ZNF560: variants seen among roughly 807,000 people sequenced by gnomAD.
The protein encoded by ZNF560 is zinc finger protein 560.
In ZNF560, 54 loss-of-function variants were observed where a neutral mutation model predicts 81.8. The observed-to-expected ratio is 0.66, with a 90% confidence interval of 0.53 to 0.83. ZNF560 has a LOEUF of 0.83. Among genes scored for constraint, ZNF560 ranks in the 40% least tolerant of loss-of-function variants. The pLI, the probability that ZNF560 is intolerant of heterozygous loss-of-function variation, is 0.00. For synonymous variants in ZNF560, 321 were observed against 317.9 expected (o/e 1.01, Z -0.10); for missense variants, 940 against 932.4 (o/e 1.01, Z -0.11).
intron 5 of ZNF560, 25 bp from the exon 6 acceptor site, chr19:9,471,403 T>A: frequency 9.1e-7 from 1 of 1,101,746 alleles, no homozygotes; most frequent in Admixed American, 3.5e-5. Context: ...TAAACTGAGG[T>A]TTTTTTTTTT....
intron 2 of ZNF560, among the ~76,000 whole-genome samples, chr19:9,479,216 A>G (rs1426963866): frequency 6.6e-6 from 1 of 152,040 alleles, no homozygotes; most frequent in African/African-American, 2.4e-5. Flanking sequence ...TATTAACAAA[A>G]TGGCAGTAGT....
intron 2 of ZNF560, among the ~76,000 whole-genome samples, chr19:9,488,633 T>A (rs1599676355): frequency 8.1e-6 from 1 of 122,874 alleles, no homozygotes. Context: ...AAATTCCAAC[T>A]CTGATAATAT....
chr19:9,471,142 C>A (rs879888604), intron 6 of ZNF560, among the ~76,000 whole-genome samples, 154 bp downstream of exon 6: 1 of 152,130 alleles, frequency 6.6e-6, no homozygotes, highest in Non-Finnish European at 1.5e-5. Flanking sequence ...TAGATCTCCC[C>A]AAATTCATCA....
chr19:9,486,402 G>A (rs2073385193), intron 2 of ZNF560, among the ~76,000 whole-genome samples: 1 of 152,150 alleles, frequency 6.6e-6, no homozygotes, highest in Non-Finnish European at 1.5e-5. Flanking sequence ...CCTCTTCAAA[G>A]TTTCCCTTCT....
At chr19:9,489,825 C>G (rs1350319606) in intron 2 of ZNF560, among the ~76,000 whole-genome samples, 1 of 152,156 alleles carries the variant, frequency 6.6e-6, no homozygotes, top group Non-Finnish European at 1.5e-5. Flanking sequence ...CTCCTGACCT[C>G]ATGATCCGCC....
At chr19:9,504,594 G>A in the ZNF560 span, among the ~76,000 whole-genome samples, 14 of 152,198 alleles carry the variant, frequency 9.2e-5, no homozygotes, top group East Asian at 7.7e-4. Context: ...TTGGCTTACC[G>A]TATTTTTCAA....
chr19:9,464,561 AG>A (rs1339588723), downstream of ZNF560, among the ~76,000 whole-genome samples: 1 of 152,218 alleles, frequency 6.6e-6, no homozygotes, highest in Non-Finnish European at 1.5e-5. Flanking sequence ...GTTTGAAAAG[AG>A]GAACAAGAGT....
At chr19:9,465,655 A>C (rs1414015652), downstream of ZNF560, among the ~76,000 whole-genome samples, 3 of 152,184 alleles carry the variant, frequency 2.0e-5, no homozygotes, top group African/African-American at 7.2e-5. Flanking sequence ...GTGACTATTA[A>C]GGCATATGGA....
chr19:9,481,865 G>A (rs1308002068), intron 2 of ZNF560, among the ~76,000 whole-genome samples: 3 of 152,202 alleles, frequency 2.0e-5, no homozygotes, highest in African/African-American at 7.2e-5. Context: ...AGACAGTGTG[G>A]CAATTCCTCA....
chr19:9,453,990 G>T, the ZNF560 span, among the ~76,000 whole-genome samples: 2 of 152,200 alleles, frequency 1.3e-5, no homozygotes, highest in South Asian at 2.1e-4. Context: ...TGACATGCTC[G>T]TGATGGCTAT....
At chr19:9,465,645 G>A (rs80251576), downstream of ZNF560, among the ~76,000 whole-genome samples, 1 of 152,182 alleles carries the variant, frequency 6.6e-6, no homozygotes, top group Non-Finnish European at 1.5e-5. Context: ...GAATTACAAT[G>A]TGACTATTAA....
chr19:9,495,553 CA>C (rs2073544529), intron 2 of ZNF560, among the ~76,000 whole-genome samples: 1 of 151,688 alleles, frequency 6.6e-6, no homozygotes, highest in Non-Finnish European at 1.5e-5. Flanking sequence ...AAAAAAATAC[CA>C]AAATTAGCCA....
At chr19:9,452,363 A>C in the ZNF560 span, among the ~76,000 whole-genome samples, 2 of 152,160 alleles carry the variant, frequency 1.3e-5, no homozygotes, top group East Asian at 3.8e-4. Context: ...AGAACTTATA[A>C]CAAAGCTACC....
At chr19:9,492,725 T>G (rs1264629086) in intron 2 of ZNF560, among the ~76,000 whole-genome samples, 1 of 152,224 alleles carries the variant, frequency 6.6e-6, no homozygotes, top group African/African-American at 2.4e-5. Context: ...CAAGACACAG[T>G]GTATGCTCTG....
chr19:9,469,889 G>A (rs2073095116), intron 7 of ZNF560, 179 bp from the exon 8 acceptor site: 1 of 568,100 alleles, frequency 1.8e-6, no homozygotes, highest in African/African-American at 1.9e-5. Flanking sequence ...TCACATTCAA[G>A]CTTAACTCAT....
chr19:9,495,875 TAAAACAAACAAACAGAA>T (rs1300491175), intron 2 of ZNF560, among the ~76,000 whole-genome samples: 1 of 152,118 alleles, frequency 6.6e-6, no homozygotes, highest in East Asian at 1.9e-4. Context: ...GTAGCAACAG[TAAAACAAACAAACAGAA>T]AAAACAAACA....
intron 2 of ZNF560, among the ~76,000 whole-genome samples, chr19:9,475,978 T>C (rs2073195650): frequency 6.6e-6 from 1 of 152,182 alleles, no homozygotes; most frequent in Non-Finnish European, 1.5e-5. Context: ...CAAATGAGAT[T>C]ATGCAGCACC....
chr19:9,478,871 C>G (rs73501853), intron 2 of ZNF560, among the ~76,000 whole-genome samples: 22,872 of 151,886 alleles, frequency 0.15, 2,468 homozygotes, highest in African/African-American at 0.3. Flanking sequence ...AAAAACCCCA[C>G]AAAACTTAAC....
chr19:9,467,228 T>A lies in ZNF560; in HGVS notation c.1719A>T (p.Glu573Asp). Residue 573 changes from glutamate to aspartate, a missense_variant, in exon 10 of 10, where the codon GAA (glutamate) becomes GAT (aspartate). Physicochemically the swap from Glu to Asp is conservative, Grantham distance 45. Coordinates refer to ENST00000301480, the MANE Select transcript of ZNF560 (RefSeq NM_152476.3). Reference sequence around the variant, plus strand: ...TGAAGGCTTTCCCACATTTCATACATTCATAGGGTTTCTCTCCAGCGTGTG... The same window carrying A: ...TGAAGGCTTTCCCACATTTCATACAATCATAGGGTTTCTCTCCAGCGTGTG... ...LRTHAGEKPY[E>D]CMKCGKAFTE... The A allele has an allele frequency of 6.2e-7, 1 of 1,614,152 alleles. No individual in the cohort carries two copies. The highest frequency in any genetic ancestry group is 8.5e-7 in the Non-Finnish European group (1 of 1,180,010).
Sources: gnomAD v4.1 joint callset for allele counts (sites outside exome capture counted in the v4.1 genomes callset) on GRCh38, gnomAD v4.1.1 for gene constraint, MANE v1.5 for transcripts, NCBI Gene and HGNC (gene_info 2026-07-23, HGNC 2026-07-21) for gene names.